The following NOTCH2NLC variants were observed in gnomAD, a reference collection of about 807,000 sequenced individuals.
The protein encoded by NOTCH2NLC is notch 2 N-terminal like C, also known as notch homolog 2 N-terminal-like protein C.
NOTCH2NLC carries 4 observed loss-of-function variants against 17.7 expected under a neutral mutation model. The observed-to-expected ratio is 0.23, with a 90% CI of 0.11 to 0.52. The LOEUF is 0.52. NOTCH2NLC is among the 20% of genes least tolerant of loss of function. The pLI, the probability that NOTCH2NLC is intolerant of heterozygous loss-of-function variation, is 0.96. For synonymous variants in NOTCH2NLC, 18 were observed against 86.0 expected (o/e 0.21, Z 4.38); for missense variants, 57 against 207.2 (o/e 0.28, Z 4.45).
intron 2 of NOTCH2NLC, among the ~76,000 whole-genome samples, chr1:149,450,154 AT>A (rs2101503987): frequency 6.8e-6 from 1 of 146,960 alleles, no homozygotes; most frequent in African/African-American, 2.5e-5. Flanking sequence ...GGGAGGCAGA[AT>A]TTGAAGAATT....
rs1211628842 is a variant in NOTCH2NLC, at chr1:149,393,246, G to A, written c.135+2324G>A. 1.3e-4 allele frequency among the ~76,000 whole-genome samples: 19 copies of A among 150,528 alleles called. No homozygotes were observed. The South Asian group carries it at 3.8e-3, about 30-fold the overall frequency. ...TTTTAGGTAGTCAAGTTGAGTGTTA[G>A]TCAAGTTGACTCAAAGGATAGGATT... On this transcript the variant is annotated intron_variant, in intron 1 of 4. Coordinates refer to ENST00000650865, the MANE Select transcript of NOTCH2NLC (RefSeq NM_001364013.2).
At chr1:149,433,479 T>G (rs1474793900) in intron 2 of NOTCH2NLC, among the ~76,000 whole-genome samples, 7 of 150,642 alleles carry the variant, frequency 4.6e-5, no homozygotes, top group Non-Finnish European at 8.9e-5. Context: ...CACATAGCAT[T>G]CAGGGTGGTA....
In NOTCH2NLC at chr1:149,390,860, C is replaced by T. The variant is rs1329528961; in HGVS notation, c.73C>T (p.Pro25Ser). 1.7e-5 allele frequency: 24 copies of T among 1,393,338 alleles called. No homozygotes were observed. The highest frequency in any genetic ancestry group is 2.5e-4 in the Middle Eastern group (1 of 3,970). 86.3% of individuals were successfully genotyped at this position (1,393,338 alleles called of 1,614,324 possible). Reference sequence around the variant, plus strand: ...AGGCGGCGACCGAGAAGATGCCCGCCCTGCGCCGCTCTGCTGTGGGCGCTG... The same window carrying T: ...AGGCGGCGACCGAGAAGATGCCCGCTCTGCGCCGCTCTGCTGTGGGCGCTG... ...GGGGDREDAR[P>S]APLCCGRCWR... is the part of the protein sequence containing the mutation. The change falls in exon 1 of 5, where the codon CCT becomes TCT. Residue 25 changes from proline (P) to serine (S), a missense_variant. Physicochemically the swap from Pro to Ser is moderately conservative, Grantham distance 74. Around this residue, in one of 7 missense-constraint regions of NOTCH2NLC, gnomAD observed 25 missense variants for 27.0 expected, o/e 0.93. Transcript: ENST00000650865.
Position 149,390,737 on chromosome 1 carries a change from G to A in NOTCH2NLC, c.-51G>A. 8.0e-7 allele frequency: 1 copy of A among 1,249,444 alleles called. No homozygotes were observed. Among genetic ancestry groups the A allele is most frequent in the South Asian group, 2.2e-5 (1 of 44,792 alleles). 77.4% of individuals were successfully genotyped at this position (1,249,444 alleles called of 1,614,324 possible). The stretch of plus-strand genomic sequence containing the variant: ...TAGCGCCAGGGCCTGAGCCTTTGAA[G>A]CAGGAGGAGGGGAGGAGAGAGTGGG... On this transcript the variant is annotated 5_prime_UTR_variant, in exon 1 of 5. Coordinates refer to ENST00000650865, the MANE Select transcript of NOTCH2NLC (RefSeq NM_001364013.2).
At chr1:149,428,457 G>T (rs2084424816) in intron 1 of NOTCH2NLC, among the ~76,000 whole-genome samples, 3 of 150,922 alleles carry the variant, frequency 2.0e-5, no homozygotes, top group Admixed American at 2.0e-4. Flanking sequence ...TTGCTAGATT[G>T]ATTGCTACAT....
intron 2 of NOTCH2NLC, among the ~76,000 whole-genome samples, chr1:149,444,946 T>C (rs1185395785): frequency 2.7e-5 from 4 of 150,690 alleles, no homozygotes; most frequent in African/African-American, 4.9e-5. Flanking sequence ...TTTCCTTTTT[T>C]TTTCTTTTTA....
At chr1:149,400,773 GTCC>G (rs1476261662) in intron 1 of NOTCH2NLC, among the ~76,000 whole-genome samples, 2 of 145,284 alleles carry the variant, frequency 1.4e-5, no homozygotes, top group African/African-American at 5.1e-5. Context: ...ATCGGCTACT[GTCC>G]TCCTTTTCTA....
intron 1 of NOTCH2NLC, among the ~76,000 whole-genome samples, chr1:149,419,176 C>A (rs1472577682): frequency 1.4e-5 from 2 of 147,212 alleles, no homozygotes; most frequent in African/African-American, 5.0e-5. Context: ...TAGGGCTTAC[C>A]CCCCATTTTA....
At chr1:149,400,139 ATTTT>A (rs1176135315) in intron 1 of NOTCH2NLC, among the ~76,000 whole-genome samples, 18 of 131,940 alleles carry the variant, frequency 1.4e-4, no homozygotes, top group Non-Finnish European at 2.4e-4. Flanking sequence ...TATAATATAT[ATTTT>A]TTTTTTAGTT....
At chr1:149,430,648 T>C (rs1375613622) in intron 1 of NOTCH2NLC, among the ~76,000 whole-genome samples, 1 of 147,288 alleles carries the variant, frequency 6.8e-6, no homozygotes, top group African/African-American at 2.5e-5. Flanking sequence ...TCATAGATGG[T>C]ATGGCTTTAA....
intron 1 of NOTCH2NLC, among the ~76,000 whole-genome samples, chr1:149,393,094 A>AG (rs2084184866): frequency 6.8e-6 from 1 of 147,326 alleles, no homozygotes; most frequent in East Asian, 2.0e-4. Context: ...AAAAAAAAAA[A>AG]GTATTAAATA....
chr1:149,445,560 C>A (rs1218959236), intron 2 of NOTCH2NLC, among the ~76,000 whole-genome samples: 2 of 149,846 alleles, frequency 1.3e-5, no homozygotes, highest in African/African-American at 4.9e-5. Flanking sequence ...CAGCTCCCCC[C>A]TCTAGAGCTC....
intron 1 of NOTCH2NLC, among the ~76,000 whole-genome samples, chr1:149,421,391 C>T (rs1370585581): frequency 9.0e-5 from 13 of 144,044 alleles, no homozygotes; most frequent in African/African-American, 1.8e-4. Flanking sequence ...CCCAGCTACT[C>T]GGGAGGCTGA....
At chr1:149,428,637 T>C (rs1157333567) in intron 1 of NOTCH2NLC, among the ~76,000 whole-genome samples, 1 of 150,352 alleles carries the variant, frequency 6.7e-6, no homozygotes, top group Admixed American at 6.6e-5. Flanking sequence ...ATTCATGTAC[T>C]TATAAGGAGG....
Position 149,412,239 on chromosome 1 carries a change from A to G in NOTCH2NLC, c.136-18703A>G, listed in dbSNP as rs1321172908. 2.0e-3 allele frequency among the ~76,000 whole-genome samples: 295 copies of G among 149,528 alleles called. 5 individuals carry two copies. The highest frequency in any genetic ancestry group is 3.6e-3 in the Non-Finnish European group (239 of 66,698). Reference sequence around the variant, plus strand: ...TTTAAACTGCAGATCATGACCACGAATGGGTCATGAAACCAATTTGGTAGG... The same window carrying G: ...TTTAAACTGCAGATCATGACCACGAGTGGGTCATGAAACCAATTTGGTAGG... On this transcript the variant is annotated intron_variant, in intron 1 of 4. Coordinates refer to ENST00000650865, the MANE Select transcript of NOTCH2NLC (RefSeq NM_001364013.2).
At chr1:149,419,852 TA>T (rs2084368954) in intron 1 of NOTCH2NLC, among the ~76,000 whole-genome samples, 25 of 122,348 alleles carry the variant, frequency 2.0e-4, no homozygotes, top group African/African-American at 7.8e-4. Flanking sequence ...TATATATATA[TA>T]TATTTTTTTT....
intron 1 of NOTCH2NLC, among the ~76,000 whole-genome samples, chr1:149,429,705 A>G (rs2084433155): frequency 6.6e-6 from 1 of 151,230 alleles, no homozygotes; most frequent in African/African-American, 2.4e-5. Flanking sequence ...TTGTTGGTGG[A>G]GGAGTTGTTC....
rs2084368216 is a variant in NOTCH2NLC, at chr1:149,419,777, A to G, written c.136-11165A>G. 2.0e-5 allele frequency among the ~76,000 whole-genome samples: 3 copies of G among 148,698 alleles called. No individual in the cohort carries two copies. In the South Asian group the frequency reaches 6.5e-4, roughly 32 times the overall value. On this transcript the variant is annotated intron_variant, in intron 1 of 4. Coordinates refer to ENST00000650865, the MANE Select transcript of NOTCH2NLC (RefSeq NM_001364013.2). ...GACCCAGGTTGTGTTGATGTGGGACATAGTTGTATGTCTGAAGAAACAAAG... is the reference window on the plus strand; with the variant it reads ...GACCCAGGTTGTGTTGATGTGGGACGTAGTTGTATGTCTGAAGAAACAAAG...
rs1157931488 is a variant in NOTCH2NLC at position 149,460,304 on chromosome 1, T to C, written c.470-3187T>C. Among the ~76,000 whole-genome samples, 13 of 150,096 alleles carry C rather than the reference T, an allele frequency of 8.7e-5. 1 individual carries two copies. The highest frequency in any genetic ancestry group is 1.9e-4 in the Non-Finnish European group (13 of 67,224). ...GGTCCCAAATTAAGAAGGATCTCTT[T>C]TTGGTGTGTTCTGCAAGATTCTGAT... On this transcript the variant is annotated intron_variant, in intron 3 of 4. Transcript: ENST00000650865.
Sources: gnomAD v4.1 joint callset for allele counts (sites outside exome capture counted in the v4.1 genomes callset) on GRCh38, gnomAD v4.1.1 for gene constraint, gnomAD v4.1.1 regional missense constraint, MANE v1.5 for transcripts, NCBI Gene and HGNC (gene_info 2026-07-23, HGNC 2026-07-21) for gene names.